The following AFG1L variants were observed in gnomAD, a reference collection of about 807,000 sequenced individuals.
AFG1L encodes AFG1 like ATPase.
Under a neutral mutation model 62.2 loss-of-function variants are expected in AFG1L, and 53 were observed. That is an observed-to-expected ratio of 0.85 (90% CI 0.68 to 1.07). AFG1L has a LOEUF of 1.07. AFG1L is among the 50% of genes least tolerant of loss of function. The probability of loss-of-function intolerance (pLI) is 0.00; values close to 1 mark genes in which losing one functional copy is unlikely to be tolerated. For synonymous variants in AFG1L, 228 were observed against 210.3 expected, an observed-to-expected ratio of 1.08 and a Z score of -0.73; for missense variants, 555 against 590.5, an observed-to-expected ratio of 0.94 and a Z score of 0.62.
intron 11 of AFG1L, among the ~76,000 whole-genome samples, chr6:108,511,836 T>C (rs564729744): frequency 1.3e-5 from 2 of 152,298 alleles, no homozygotes; most frequent in South Asian, 4.1e-4. Context: ...TGCCAAGCGC[T>C]AGAAATTCAG....
chr6:108,328,657 C>T (rs1013582925), intron 2 of AFG1L, among the ~76,000 whole-genome samples: 2 of 152,014 alleles, frequency 1.3e-5, no homozygotes, highest in Non-Finnish European at 2.9e-5. Context: ...TCTGCCCCAG[C>T]CTCCTGGAAA....
At chr6:108,465,395 T>G (rs1293197196) in intron 8 of AFG1L, among the ~76,000 whole-genome samples, 1 of 152,240 alleles carries the variant, frequency 6.6e-6, no homozygotes, top group Non-Finnish European at 1.5e-5. Context: ...GAGTTTAATT[T>G]TAATCACTGT....
intron 2 of AFG1L, among the ~76,000 whole-genome samples, chr6:108,326,014 T>C (rs1778028641): frequency 1.3e-5 from 2 of 152,084 alleles, no homozygotes; most frequent in Non-Finnish European, 2.9e-5. Flanking sequence ...TGATCTCAAA[T>C]GATCCCCCTG....
In AFG1L at chr6:108,420,111, A is replaced by G. The variant is rs145760990; in HGVS notation, c.807+18057A>G. 2.0e-3 allele frequency among the ~76,000 whole-genome samples: 303 copies of G among 152,296 alleles called. 1 individual carries two copies. Among genetic ancestry groups the G allele is most frequent in the African/African-American group, 7.2e-3 (299 of 41,562 alleles). On this transcript the variant is annotated intron_variant, in intron 7 of 12. Coordinates refer to ENST00000368977, the MANE Select transcript of AFG1L (RefSeq NM_145315.5). ...TTGAGGTCAGTGTCAGTCAGCCTCT[A>G]TGACCTCTACTGCGTTGTCACCTGA...
intron 12 of AFG1L, 126 bp downstream of exon 12, chr6:108,519,936 A>C: frequency 1.8e-6 from 1 of 544,232 alleles, no homozygotes; most frequent in Non-Finnish European, 3.2e-6. Flanking sequence ...CTTCTTCTAT[A>C]AGCCCATGTA....
intron 1 of AFG1L, among the ~76,000 whole-genome samples, chr6:108,320,553 C>T (rs1055463847): frequency 3.3e-5 from 5 of 152,152 alleles, no homozygotes; most frequent in African/African-American, 1.2e-4. Context: ...AACTCAGTGA[C>T]ATGTATTAAG....
At chr6:108,299,469 T>A (rs1048065538) in intron 1 of AFG1L, among the ~76,000 whole-genome samples, 1 of 152,108 alleles carries the variant, frequency 6.6e-6, no homozygotes, top group Non-Finnish European at 1.5e-5. Flanking sequence ...AACTAAATGA[T>A]AGGGCCAAAG....
intron 1 of AFG1L, among the ~76,000 whole-genome samples, chr6:108,301,074 A>G (rs1246768905): frequency 1.3e-5 from 2 of 152,192 alleles, no homozygotes; most frequent in Non-Finnish European, 2.9e-5. Context: ...AAAGAATGTC[A>G]TGCCTATCCC....
At position 108,410,712 on chromosome 6, in the gene AFG1L, C is replaced by T. The variant is rs1368187403; in HGVS notation, c.807+8658C>T. On this transcript the variant is annotated intron_variant, in intron 7 of 12. Transcript: ENST00000368977. The stretch of plus-strand genomic sequence containing the variant: ...AATCTGACTAAACATTGTCTTCTTC[C>T]GATCTGTAAGTCAGACAATAAAAAT... Among the ~76,000 whole-genome samples, 5 of 152,168 alleles carry T rather than the reference C, an allele frequency of 3.3e-5. No homozygotes were observed. The East Asian group carries it at 5.8e-4, about 18-fold the overall frequency.
chr6:108,512,564 C>T (rs1429240374), intron 11 of AFG1L, among the ~76,000 whole-genome samples: 1 of 151,960 alleles, frequency 6.6e-6, no homozygotes, highest in East Asian at 1.9e-4. Context: ...AAGAAGAAGA[C>T]AACAGAGGGG....
chr6:108,352,831 G>T (rs9486864), intron 3 of AFG1L, among the ~76,000 whole-genome samples: 14,492 of 151,972 alleles, frequency 0.095, 1,931 homozygotes, highest in African/African-American at 0.3. Flanking sequence ...CTCCCAAATT[G>T]CTGGGATTAT....
intron 7 of AFG1L, among the ~76,000 whole-genome samples, chr6:108,433,028 T>G (rs1178128517): frequency 2.6e-5 from 4 of 152,196 alleles, no homozygotes; most frequent in Non-Finnish European, 4.4e-5. Context: ...GACTTTCGTT[T>G]TATAGACATA....
intron 2 of AFG1L, among the ~76,000 whole-genome samples, chr6:108,332,672 G>T (rs1212109562): frequency 6.6e-6 from 1 of 152,090 alleles, no homozygotes; most frequent in Non-Finnish European, 1.5e-5. Context: ...CTGGAGTGCA[G>T]TCATGGCTCA....
chr6:108,478,334 G>A (rs1251030386), intron 10 of AFG1L, among the ~76,000 whole-genome samples: 1 of 152,230 alleles, frequency 6.6e-6, no homozygotes, highest in Non-Finnish European at 1.5e-5. Flanking sequence ...CTGCTGGGGA[G>A]GCTGAGGCAG....
intron 10 of AFG1L, among the ~76,000 whole-genome samples, chr6:108,492,044 A>C (rs1773797673): frequency 6.6e-6 from 1 of 152,262 alleles, no homozygotes; most frequent in Non-Finnish European, 1.5e-5. Context: ...CGTGTTCAGA[A>C]GTTACAGTTC....
intron 7 of AFG1L, among the ~76,000 whole-genome samples, chr6:108,408,694 C>T (rs1287032395): frequency 1.3e-5 from 2 of 152,178 alleles, no homozygotes. Flanking sequence ...AGCTGGTTCA[C>T]ATGTTTTGTC....
intron 2 of AFG1L, among the ~76,000 whole-genome samples, chr6:108,346,408 T>C (rs150653387): frequency 1.5e-4 from 23 of 152,104 alleles, no homozygotes; most frequent in African/African-American, 4.6e-4. Flanking sequence ...CTCTGTTGTC[T>C]AGGCTGCAGT....
intron 10 of AFG1L, among the ~76,000 whole-genome samples, chr6:108,507,777 G>A (rs1319006899): frequency 6.6e-6 from 1 of 152,174 alleles, no homozygotes; most frequent in African/African-American, 2.4e-5. Flanking sequence ...TAATGTATGA[G>A]TTTTCCTTTT....
chr6:108,385,352 G>A (rs1264239324), intron 6 of AFG1L, among the ~76,000 whole-genome samples: 1 of 152,248 alleles, frequency 6.6e-6, no homozygotes, highest in Non-Finnish European at 1.5e-5. Context: ...CCCACCCAGG[G>A]CGGAAAACCG....
Sources: gnomAD v4.1 joint callset for allele counts (sites outside exome capture counted in the v4.1 genomes callset) on GRCh38, gnomAD v4.1.1 for gene constraint, MANE v1.5 for transcripts, NCBI Gene and HGNC (gene_info 2026-07-23, HGNC 2026-07-21) for gene names.